GALNT17: variants seen among roughly 807,000 people sequenced by gnomAD.
The protein encoded by GALNT17 is UDP-GalNAc:polypeptide N-acetylgalactosaminyltransferase-like 3.
In GALNT17, 29 loss-of-function variants were observed where a neutral mutation model predicts 63.7. The ratio of observed to expected loss-of-function variants is 0.46; its 90% CI spans 0.34 to 0.62. The LOEUF (loss-of-function observed/expected upper bound fraction) is 0.62. GALNT17 is among the 20% of genes least tolerant of loss of function. The pLI is 0.01. For synonymous variants in GALNT17, 305 were observed against 318.3 expected (o/e 0.96, Z 0.45); for missense variants, 603 against 799.6 (o/e 0.75, Z 2.97).
chr7:71,197,283 T>G (rs1461751047), intron 1 of GALNT17, among the ~76,000 whole-genome samples: 1 of 130,292 alleles, frequency 7.7e-6, no homozygotes, highest in Non-Finnish European at 1.6e-5. Flanking sequence ...CACTGCAAAC[T>G]CCGCCTCCTG....
intron 1 of GALNT17, among the ~76,000 whole-genome samples, chr7:71,315,934 G>A (rs1233251065): frequency 7.2e-5 from 11 of 152,118 alleles, no homozygotes; most frequent in African/African-American, 9.7e-5. Context: ...TCACCTGCAC[G>A]TACCTGCAGC....
At chr7:71,404,366 C>T (rs978067277) in intron 3 of GALNT17, among the ~76,000 whole-genome samples, 3 of 152,114 alleles carry the variant, frequency 2.0e-5, no homozygotes, top group African/African-American at 7.2e-5. Flanking sequence ...TCCTTTTTGT[C>T]CTTGCTTTGA....
intron 6 of GALNT17, among the ~76,000 whole-genome samples, chr7:71,592,465 G>A (rs1327083289): frequency 2.1e-5 from 3 of 144,210 alleles, no homozygotes; most frequent in Admixed American, 7.1e-5. Context: ...ACTGCACTCC[G>A]GCCTGGGTGA....
chr7:71,501,608 C>G (rs1367499304), intron 5 of GALNT17, among the ~76,000 whole-genome samples: 1 of 152,042 alleles, frequency 6.6e-6, no homozygotes, highest in East Asian at 1.9e-4. Flanking sequence ...AGGATCTCAA[C>G]CCTAGATGGG....
chr7:71,152,798 A>G (rs796182777), intron 1 of GALNT17, among the ~76,000 whole-genome samples: 6 of 151,542 alleles, frequency 4.0e-5, no homozygotes, highest in African/African-American at 1.5e-4. Context: ...ATGCCCAGCT[A>G]ATTTTTGTAT....
At chr7:71,216,653 C>A (rs1007474642) in intron 1 of GALNT17, among the ~76,000 whole-genome samples, 1 of 149,636 alleles carries the variant, frequency 6.7e-6, no homozygotes, top group Non-Finnish European at 1.5e-5. Context: ...TACAGACATA[C>A]AAATACACAT....
Position 71,593,334 on chromosome 7 carries a change from C to A in GALNT17, c.1080+21932C>A, listed in dbSNP as rs534135738. ...AGGCTGGAGTGCAGTGGCATGATCT[C>A]GGCTCATTACATCCTCCGCCTCCTG... On this transcript the variant is annotated intron_variant, in intron 6 of 10. Transcript: ENST00000333538. 2.3e-5 allele frequency among the ~76,000 whole-genome samples: 3 copies of A among 132,914 alleles called. No homozygotes were observed. The South Asian group carries it at 7.2e-4, about 32-fold the overall frequency. 87.2% of individuals were successfully genotyped at this position (132,914 alleles called of 152,430 possible).
At chr7:71,279,492 G>T (rs1790742674) in intron 1 of GALNT17, among the ~76,000 whole-genome samples, 2 of 151,960 alleles carry the variant, frequency 1.3e-5, no homozygotes, top group Admixed American at 1.3e-4. Flanking sequence ...TTCCCTCTGT[G>T]TGTGTCTGGG....
chr7:71,435,333 A>T lies in GALNT17; in HGVS notation c.962+14228A>T, dbSNP rs1786939389. ...ATAGGCTGAATTAGCTTAGGGAGGA[A>T]CTTAGTTTATAGTTTAAAACAAAGA... On this transcript the variant is annotated intron_variant, in intron 5 of 10. Coordinates refer to ENST00000333538, the MANE Select transcript of GALNT17 (RefSeq NM_022479.3). Among the ~76,000 whole-genome samples the T allele has an allele frequency of 2.6e-5, 4 of 152,158 alleles. No individual in the cohort carries two copies. In the South Asian group the frequency reaches 8.3e-4, roughly 32 times the overall value.
intron 6 of GALNT17, among the ~76,000 whole-genome samples, chr7:71,638,110 A>AT (rs1321178211): frequency 2.0e-5 from 3 of 152,174 alleles, no homozygotes; most frequent in South Asian, 2.1e-4. Context: ...ACTTCCTGAC[A>AT]TTGCTGTGGC....
intron 9 of GALNT17, among the ~76,000 whole-genome samples, chr7:71,693,993 G>A (rs766649283): frequency 2.2e-4 from 33 of 152,042 alleles, no homozygotes; most frequent in Admixed American, 6.6e-4. Context: ...TGATAAAGTC[G>A]TACCTGAGAC....
At chr7:71,180,684 G>A (rs767347421) in intron 1 of GALNT17, among the ~76,000 whole-genome samples, 4 of 152,140 alleles carry the variant, frequency 2.6e-5, no homozygotes, top group East Asian at 1.9e-4. Flanking sequence ...AGATGGATAC[G>A]CTGTCATCCA....
chr7:71,597,033 G>A (rs1359550655), intron 6 of GALNT17, among the ~76,000 whole-genome samples: 1 of 151,820 alleles, frequency 6.6e-6, no homozygotes, highest in African/African-American at 2.4e-5. Flanking sequence ...ACAAAAAAAG[G>A]GTTTCGTTTG....
At chr7:71,414,313 T>C (rs1793485635) in intron 3 of GALNT17, among the ~76,000 whole-genome samples, 1 of 152,148 alleles carries the variant, frequency 6.6e-6, no homozygotes, top group Admixed American at 6.5e-5. Context: ...TCATAGGAAG[T>C]TATGTAATTG....
chr7:71,613,975 T>C (rs1170604450), intron 6 of GALNT17, among the ~76,000 whole-genome samples: 1 of 151,798 alleles, frequency 6.6e-6, no homozygotes, highest in Non-Finnish European at 1.5e-5. Context: ...CACAAAAAAC[T>C]CATAACATGG....
chr7:71,537,206 T>C (rs995452883), intron 5 of GALNT17, among the ~76,000 whole-genome samples: 13 of 152,232 alleles, frequency 8.5e-5, no homozygotes, highest in African/African-American at 2.9e-4. Context: ...TTGTATATCA[T>C]AGTCATTTGT....
At chr7:71,392,948 C>T (rs1793076458) in intron 3 of GALNT17, among the ~76,000 whole-genome samples, 2 of 152,046 alleles carry the variant, frequency 1.3e-5, no homozygotes, top group Admixed American at 1.3e-4. Context: ...TTAAAAAGAC[C>T]CCCACACACT....
chr7:71,323,560 G>A (rs1228012063), intron 1 of GALNT17, among the ~76,000 whole-genome samples: 1 of 152,094 alleles, frequency 6.6e-6, no homozygotes, highest in Non-Finnish European at 1.5e-5. Flanking sequence ...AATGCAGGAG[G>A]GAAAATGTCA....
intron 3 of GALNT17, among the ~76,000 whole-genome samples, chr7:71,412,600 A>G (rs1042594747): frequency 6.6e-6 from 1 of 152,068 alleles, no homozygotes; most frequent in African/African-American, 2.4e-5. Context: ...CTTATCACTC[A>G]GTGCCTGACA....
Sources: allele counts gnomAD v4.1 joint callset (sites outside exome capture counted in the v4.1 genomes callset), GRCh38; gene constraint gnomAD v4.1.1; transcripts MANE v1.5; gene names NCBI Gene and HGNC (gene_info 2026-07-23, HGNC 2026-07-21).